The following ZFAND3 variants were observed in gnomAD, a reference collection of about 807,000 sequenced individuals.
ZFAND3 encodes zinc finger AN1-type containing 3, also known as AN1-type zinc finger protein 3.
ZFAND3 carries 10 observed loss-of-function variants against 29.6 expected under a neutral mutation model. That is an observed-to-expected ratio of 0.34 (90% CI 0.21 to 0.57). The LOEUF is 0.57. ZFAND3 is among the 20% of genes least tolerant of loss of function. The pLI is 0.86. For missense variants in ZFAND3, 230 were observed against 304.5 expected (o/e 0.76, Z 1.82); for synonymous variants, 128 against 112.6 (o/e 1.14, Z -0.87).
intron 1 of ZFAND3, among the ~76,000 whole-genome samples, chr6:37,885,813 G>A (rs1016615841): frequency 6.6e-6 from 1 of 152,038 alleles, no homozygotes; most frequent in African/African-American, 2.4e-5. Context: ...GGCAGAAAAA[G>A]TCAGTATACT....
At chr6:37,951,375 G>A (rs959935055) in intron 2 of ZFAND3, among the ~76,000 whole-genome samples, 2 of 152,092 alleles carry the variant, frequency 1.3e-5, no homozygotes, top group South Asian at 2.1e-4. Flanking sequence ...GGCGAATCAC[G>A]AGGTCAGGAG....
chr6:37,819,918 C>T lies in ZFAND3; in HGVS notation c.-28C>T, dbSNP rs1422873413. On this transcript the variant is annotated 5_prime_UTR_variant, in exon 1 of 6. Transcript: ENST00000287218. ...GGCCCAGCCGCCGCCACCGCTGCCG[C>T]CGCCGAGCTCCGCCGCCGCCGAGCA... 1.7e-6 allele frequency: 2 copies of T among 1,203,348 alleles called. No individual in the cohort carries two copies. Among genetic ancestry groups the T allele is most frequent in the African/African-American group, 1.6e-5 (1 of 62,902 alleles). The allele number at this position is 1,203,348 out of a possible 1,614,324, so 74.5% of individuals were successfully genotyped here.
intron 2 of ZFAND3, among the ~76,000 whole-genome samples, chr6:37,964,071 C>T (rs1346828977): frequency 6.6e-6 from 1 of 151,750 alleles, no homozygotes; most frequent in Non-Finnish European, 1.5e-5. Flanking sequence ...ATTCTTTTTT[C>T]CCCCCTCAGG....
intron 1 of ZFAND3, among the ~76,000 whole-genome samples, chr6:37,847,230 A>G (rs928859671): frequency 4.6e-5 from 7 of 152,236 alleles, no homozygotes; most frequent in African/African-American, 1.7e-4. Context: ...AATTATTTTA[A>G]AATATTAGCT....
At chr6:37,953,441 C>CTTTTTTTTTTTTTTTTTTTTTT (rs35182018) in intron 2 of ZFAND3, among the ~76,000 whole-genome samples, 1 of 106,224 alleles carries the variant, frequency 9.4e-6, no homozygotes, top group Admixed American at 1.1e-4. Flanking sequence ...GCATAATTAT[C>CTTTTTTTTTTTTTTTTTTTTTT]TTTTTTTTTT....
chr6:37,983,371 TTTGAGATG>T (rs1762612492), intron 2 of ZFAND3, among the ~76,000 whole-genome samples: 1 of 133,210 alleles, frequency 7.5e-6, no homozygotes, highest in African/African-American at 2.7e-5. Flanking sequence ...TTTTTTTTTT[TTTGAGATG>T]GAGTTTTGCT....
intron 2 of ZFAND3, among the ~76,000 whole-genome samples, chr6:37,971,836 A>G (rs1269112574): frequency 6.7e-6 from 1 of 150,170 alleles, no homozygotes; most frequent in Non-Finnish European, 1.5e-5. Flanking sequence ...AAAATGAAAA[A>G]AAAAAAAAAA....
At chr6:38,016,291 A>T (rs1480070773) in intron 2 of ZFAND3, among the ~76,000 whole-genome samples, 1 of 152,346 alleles carries the variant, frequency 6.6e-6, no homozygotes, top group East Asian at 1.9e-4. Context: ...TCAATATATG[A>T]TAGCTTCATT....
intron 2 of ZFAND3, among the ~76,000 whole-genome samples, chr6:38,018,697 G>C (rs112542172): frequency 5.2e-4 from 79 of 152,166 alleles, no homozygotes; most frequent in Non-Finnish European, 9.3e-4. Flanking sequence ...CTGTTTTGGA[G>C]TATTTAGATT....
At chr6:38,151,780 T>C (rs938507913) in intron 5 of ZFAND3, among the ~76,000 whole-genome samples, 5 of 152,186 alleles carry the variant, frequency 3.3e-5, no homozygotes, top group Non-Finnish European at 5.9e-5. Flanking sequence ...AAGCCCCGGC[T>C]GTACAGGAGG....
chr6:37,994,911 G>A (rs911307983), intron 2 of ZFAND3, among the ~76,000 whole-genome samples: 3 of 152,126 alleles, frequency 2.0e-5, no homozygotes, highest in Admixed American at 6.5e-5. Flanking sequence ...TTTCTTATCC[G>A]GGGTGGGGGT....
At chr6:38,028,695 A>C (rs1763494709) in intron 2 of ZFAND3, among the ~76,000 whole-genome samples, 1 of 152,192 alleles carries the variant, frequency 6.6e-6, no homozygotes, top group African/African-American at 2.4e-5. Flanking sequence ...TAAGCTCAAA[A>C]TTAATGTGCC....
chr6:37,936,617 A>G lies in ZFAND3; in HGVS notation c.112+6618A>G, dbSNP rs188698601. On this transcript the variant is annotated intron_variant, in intron 2 of 5. Transcript: ENST00000287218. ...TCACGTGGTTCACATATGATGTACA[A>G]GTGTATAGTTGCATGAGATAAAGCT... Among the ~76,000 whole-genome samples, 469 of 152,360 alleles carry G rather than the reference A, an allele frequency of 3.1e-3. 3 individuals carry two copies. The highest frequency in any genetic ancestry group is 0.011 in the African/African-American group (446 of 41,584).
chr6:37,841,450 A>G (rs1764073028), intron 1 of ZFAND3, among the ~76,000 whole-genome samples: 1 of 152,098 alleles, frequency 6.6e-6, no homozygotes, highest in African/African-American at 2.4e-5. Flanking sequence ...CATATCATTA[A>G]CTAGAGTTTA....
At chr6:38,079,322 A>G (rs1764613176) in intron 3 of ZFAND3, among the ~76,000 whole-genome samples, 1 of 152,196 alleles carries the variant, frequency 6.6e-6, no homozygotes, top group Non-Finnish European at 1.5e-5. Context: ...CTTTACTGTA[A>G]TATAGTGAAT....
At chr6:37,980,619 C>T (rs190734323) in intron 2 of ZFAND3, among the ~76,000 whole-genome samples, 1 of 152,288 alleles carries the variant, frequency 6.6e-6, no homozygotes, top group African/African-American at 2.4e-5. Context: ...AATACATCCC[C>T]TTGCAGTACA....
rs534989896 is a variant in ZFAND3 at position 37,965,841 on chromosome 6, A to G, written c.112+35842A>G. Among the ~76,000 whole-genome samples the G allele has an allele frequency of 2.0e-5, 3 of 152,262 alleles. 1 individual carries two copies. Among genetic ancestry groups the G allele is most frequent in the African/African-American group, 7.2e-5 (3 of 41,540 alleles). ...CAATGGCATGATCATGGCTCACTTC[A>G]GCCTCGGCCTCCCTGGGTTCAGGTA... is the stretch of plus-strand genomic sequence containing the variant. On this transcript the variant is annotated intron_variant, in intron 2 of 5. Transcript: ENST00000287218.
At chr6:38,064,039 C>T (rs1764294278) in intron 3 of ZFAND3, among the ~76,000 whole-genome samples, 1 of 152,002 alleles carries the variant, frequency 6.6e-6, no homozygotes, top group Non-Finnish European at 1.5e-5. Flanking sequence ...AGATCATGTA[C>T]TTACTGAGGA....
intron 2 of ZFAND3, among the ~76,000 whole-genome samples, chr6:38,039,953 A>G (rs1369261798): frequency 6.6e-6 from 1 of 152,154 alleles, no homozygotes; most frequent in Non-Finnish European, 1.5e-5. Context: ...TTCAGAAAAC[A>G]ATATTATTCT....
Sources: gnomAD v4.1 joint callset for allele counts (sites outside exome capture counted in the v4.1 genomes callset) on GRCh38, gnomAD v4.1.1 for gene constraint, MANE v1.5 for transcripts, NCBI Gene and HGNC (gene_info 2026-07-23, HGNC 2026-07-21) for gene names.